Variants in ZNF407 observed in about 807,000 individuals in gnomAD.
ZNF407 encodes the protein zinc finger protein 407.
A neutral mutation model predicts 131.2 loss-of-function variants in ZNF407; 17 were observed. The ratio of observed to expected loss-of-function variants is 0.13; its 90% CI spans 0.09 to 0.19. The LOEUF is 0.19. Ranked by LOEUF, ZNF407 falls within the 10% of genes least tolerant of loss-of-function variation. The probability of loss-of-function intolerance (pLI) is 1.00; values close to 1 mark genes in which losing one functional copy is unlikely to be tolerated. For missense variants in ZNF407, 2,681 were observed against 2,830.6 expected, an observed-to-expected ratio of 0.95 and a Z score of 1.20; for synonymous variants, 1,156 against 1,062.0, an observed-to-expected ratio of 1.09 and a Z score of -1.72.
intron 3 of ZNF407, among the ~76,000 whole-genome samples, chr18:74,755,771 TTCTCTC>T (rs112828430): frequency 3.1e-5 from 4 of 130,530 alleles, no homozygotes; most frequent in African/African-American, 1.3e-4. Flanking sequence ...CTTTCTTTCT[TTCTCTC>T]TCTCTCTTTC....
chr18:74,763,052 A>G (rs1748636775), intron 3 of ZNF407, among the ~76,000 whole-genome samples: 1 of 152,042 alleles, frequency 6.6e-6, no homozygotes, highest in South Asian at 2.1e-4. Flanking sequence ...GAAGAGTTTT[A>G]ACTTTCCTAT....
At chr18:74,674,938 T>G (rs1986295968) in intron 3 of ZNF407, among the ~76,000 whole-genome samples, 1 of 152,238 alleles carries the variant, frequency 6.6e-6, no homozygotes, top group African/African-American at 2.4e-5. Context: ...ATCTCTAGTC[T>G]TGAGTTTTTT....
intron 3 of ZNF407, among the ~76,000 whole-genome samples, chr18:74,734,287 A>G (rs941948130): frequency 2.0e-5 from 3 of 152,148 alleles, no homozygotes; most frequent in Admixed American, 6.5e-5. Context: ...CCATCACCTC[A>G]CAGCCCAGTA....
In ZNF407 at chr18:74,676,547, C is replaced by T. The variant is rs545230136; in HGVS notation, c.4802+35425C>T. 1.5e-3 allele frequency among the ~76,000 whole-genome samples: 223 copies of T among 152,022 alleles called. 1 individual carries two copies. Among genetic ancestry groups the T allele is most frequent in the Non-Finnish European group, 1.5e-3 (104 of 67,992 alleles). On this transcript the variant is annotated intron_variant, in intron 3 of 8. Transcript: ENST00000299687. ...CGCCTCCCGGGTTCACGCCATTCTCCTGCCTCAACCTCCCGAGTAGCTGGG... is the reference window on the plus strand; with the variant it reads ...CGCCTCCCGGGTTCACGCCATTCTCTTGCCTCAACCTCCCGAGTAGCTGGG...
rs1199006103 is a variant in ZNF407 at position 74,871,548 on chromosome 18, TTA to T, written c.4878-5648_4878-5647del. ...CATTAGTGTAGTTTTACAGTAATTT[TTA>T]GTCAATCAACACATTTTTGTCACAG... On this transcript the variant is annotated intron_variant, in intron 4 of 8. Transcript: ENST00000299687. 3.3e-5 allele frequency among the ~76,000 whole-genome samples: 5 copies of T among 152,302 alleles called. No individual in the cohort carries two copies. In the East Asian group the frequency reaches 9.6e-4, roughly 29 times the overall value.
At chr18:75,060,967 T>C (rs1970341027) in intron 8 of ZNF407, among the ~76,000 whole-genome samples, 1 of 152,196 alleles carries the variant, frequency 6.6e-6, no homozygotes, top group African/African-American at 2.4e-5. Flanking sequence ...CATGTCCCCT[T>C]GGTAAACGTG....
chr18:74,638,403 G>A (rs1984558462), intron 2 of ZNF407, among the ~76,000 whole-genome samples: 1 of 152,196 alleles, frequency 6.6e-6, no homozygotes, highest in South Asian at 2.1e-4. Flanking sequence ...GTGTTTGAAT[G>A]TTTAGGGAGG....
At chr18:75,039,658 C>G (rs182467827) in intron 8 of ZNF407, among the ~76,000 whole-genome samples, 1 of 145,088 alleles carries the variant, frequency 6.9e-6, no homozygotes, top group Non-Finnish European at 1.5e-5. Flanking sequence ...CTTATGAATA[C>G]TTGAAAGTTT....
At chr18:74,886,277 T>A (rs1030635858) in intron 6 of ZNF407, among the ~76,000 whole-genome samples, 17 of 152,144 alleles carry the variant, frequency 1.1e-4, no homozygotes, top group African/African-American at 4.1e-4. Context: ...TTGGCGGGGA[T>A]TTGAAGCAAG....
intron 1 of ZNF407, among the ~76,000 whole-genome samples, chr18:74,600,401 C>G (rs984116565): frequency 5.3e-5 from 8 of 152,190 alleles, no homozygotes; most frequent in African/African-American, 1.9e-4. Context: ...ACTGTTGACT[C>G]TCTTCTACCA....
rs111625377 is a variant in ZNF407, at chr18:74,794,934, A to C, written c.4877+13432A>C. On this transcript the variant is annotated intron_variant, in intron 4 of 8. Transcript: ENST00000299687. Reference sequence around the variant, plus strand: ...TTTAGGATGTTTTTTGATGAAAGAGAATGTATAAAAAATAGATAAGTGAAT... The same window carrying C: ...TTTAGGATGTTTTTTGATGAAAGAGCATGTATAAAAAATAGATAAGTGAAT... Among the ~76,000 whole-genome samples the C allele has an allele frequency of 1.4e-3, 218 of 152,254 alleles. 1 individual carries two copies. The highest frequency in any genetic ancestry group is 5.0e-3 in the African/African-American group (206 of 41,572).
chr18:74,691,061 C>T (rs944934234), intron 3 of ZNF407, among the ~76,000 whole-genome samples: 13 of 151,846 alleles, frequency 8.6e-5, no homozygotes, highest in Non-Finnish European at 5.9e-5. Context: ...GGTGGATCAC[C>T]TGAGGTCAGG....
At chr18:74,864,403 A>C (rs1481049240) in intron 4 of ZNF407, among the ~76,000 whole-genome samples, 2 of 152,212 alleles carry the variant, frequency 1.3e-5, no homozygotes, top group South Asian at 4.1e-4. Context: ...GTAAGCTGCC[A>C]CTGTCACACA....
chr18:74,895,963 G>C (rs1170686473), intron 7 of ZNF407, among the ~76,000 whole-genome samples: 1 of 152,116 alleles, frequency 6.6e-6, no homozygotes, highest in Non-Finnish European at 1.5e-5. Flanking sequence ...AACAAATGTG[G>C]TTTTGCCCCT....
chr18:74,687,760 G>C (rs1228741060), intron 3 of ZNF407, among the ~76,000 whole-genome samples: 2 of 152,048 alleles, frequency 1.3e-5, no homozygotes, highest in African/African-American at 4.8e-5. Flanking sequence ...ACTCATCTTA[G>C]AAATTAAAAA....
At chr18:75,038,889 A>G (rs1164407373) in intron 8 of ZNF407, among the ~76,000 whole-genome samples, 2 of 152,222 alleles carry the variant, frequency 1.3e-5, no homozygotes, top group Admixed American at 1.3e-4. Flanking sequence ...GGGGCTGTTA[A>G]CTTAGGCAGA....
intron 4 of ZNF407, among the ~76,000 whole-genome samples, chr18:74,854,674 TCATA>T (rs538002895): frequency 1.6e-3 from 246 of 152,220 alleles, no homozygotes; most frequent in Middle Eastern, 0.014. Context: ...ATCAAATATT[TCATA>T]CATACAACAA....
intron 8 of ZNF407, among the ~76,000 whole-genome samples, chr18:74,967,632 A>G (rs1386485471): frequency 2.6e-5 from 4 of 152,112 alleles, no homozygotes; most frequent in Non-Finnish European, 4.4e-5. Flanking sequence ...GGTCTTGTCT[A>G]TGTGCATGCT....
At position 74,949,462 on chromosome 18, in the gene ZNF407, TCTC is replaced by T. The variant is rs1045585101; in HGVS notation, c.5428+28773_5428+28775del. Among the ~76,000 whole-genome samples, 44 of 152,332 alleles carry T rather than the reference TCTC, an allele frequency of 2.9e-4. 1 individual carries two copies. The highest frequency in any genetic ancestry group is 8.9e-4 in the African/African-American group (37 of 41,578). On this transcript the variant is annotated intron_variant, in intron 8 of 8. Coordinates refer to ENST00000299687, the MANE Select transcript of ZNF407 (RefSeq NM_017757.3). ...AAATAATGCTAGATCACAACCCTAA[TCTC>T]CTGGTAATCTCTTTCATGGTTTTCA...
Sources: allele counts gnomAD v4.1 joint callset (sites outside exome capture counted in the v4.1 genomes callset), GRCh38; gene constraint gnomAD v4.1.1; transcripts MANE v1.5; gene names NCBI Gene and HGNC (gene_info 2026-07-23, HGNC 2026-07-21).